KIF21A: variants seen among roughly 807,000 people sequenced by gnomAD.
KIF21A encodes the protein kinesin family member 21A.
In KIF21A, 114 loss-of-function variants were observed where a neutral mutation model predicts 202.9. The observed-to-expected ratio is 0.56, with a 90% CI of 0.48 to 0.66. The LOEUF is 0.66. KIF21A is among the 30% of genes least tolerant of loss of function. The probability of loss-of-function intolerance (pLI) is 0.00; values close to 1 mark genes in which losing one functional copy is unlikely to be tolerated. For synonymous variants in KIF21A, 667 were observed against 670.8 expected (o/e 0.99, Z 0.09); for missense variants, 1,677 against 1,994.9 (o/e 0.84, Z 3.04).
intron 17 of KIF21A, among the ~76,000 whole-genome samples, chr12:39,335,573 T>C (rs1216897816): frequency 6.6e-6 from 1 of 152,134 alleles, no homozygotes. Context: ...CCTGGAGTAA[T>C]GAAAATTTTC....
At chr12:39,356,626 A>G (rs546145517) in intron 10 of KIF21A, 14 of 446,030 alleles carry the variant, frequency 3.1e-5, no homozygotes, top group African/African-American at 2.4e-4. Context: ...TAGGAGAATA[A>G]TATGGGAAGA....
In KIF21A at chr12:39,308,616, G is replaced by A. The variant is rs939313637; in HGVS notation, c.4278-887C>T. The stretch of plus-strand genomic sequence containing the variant: ...GAGTATCTAAGGCCTTAAACATAAC[G>A]TATGCCTATTTCTTCAGATAAATTC... On this transcript the variant is annotated intron_variant, in intron 33 of 37. Coordinates refer to ENST00000361418, the MANE Select transcript of KIF21A (RefSeq NM_001173464.2). Among the ~76,000 whole-genome samples the A allele has an allele frequency of 4.0e-5, 6 of 151,866 alleles. No individual in the cohort carries two copies. The East Asian group carries it at 5.8e-4, about 15-fold the overall frequency.
At chr12:39,375,192 C>A (rs559038218) in intron 1 of KIF21A, among the ~76,000 whole-genome samples, 1 of 152,224 alleles carries the variant, frequency 6.6e-6, no homozygotes, top group Non-Finnish European at 1.5e-5. Context: ...GCCAAGAAGA[C>A]ATGTTTTGAG....
intron 1 of KIF21A, among the ~76,000 whole-genome samples, chr12:39,441,200 C>T (rs1034384349): frequency 4.6e-5 from 7 of 152,076 alleles, no homozygotes; most frequent in African/African-American, 7.2e-5. Flanking sequence ...CTAACATACA[C>T]ACCAAAACAA....
chr12:39,353,527 T>C (rs927480868), intron 10 of KIF21A, among the ~76,000 whole-genome samples: 1 of 152,058 alleles, frequency 6.6e-6, no homozygotes, highest in African/African-American at 2.4e-5. Flanking sequence ...GTACAAATAA[T>C]ATATTATACT....
intron 3 of KIF21A, among the ~76,000 whole-genome samples, chr12:39,368,759 A>T (rs1257833314): frequency 2.6e-5 from 4 of 151,928 alleles, no homozygotes; most frequent in Non-Finnish European, 5.9e-5. Flanking sequence ...ACTGATACTA[A>T]TTTTTCTATG....
At chr12:39,377,958 A>C (rs568808457) in intron 1 of KIF21A, among the ~76,000 whole-genome samples, 11 of 152,286 alleles carry the variant, frequency 7.2e-5, no homozygotes, top group African/African-American at 2.2e-4. Context: ...GGACTCATAA[A>C]CTTTATGAAG....
At chr12:39,351,747 A>T (rs1333954916) in intron 11 of KIF21A, 30 bp downstream of exon 11, 1 of 1,293,520 alleles carries the variant, frequency 7.7e-7, no homozygotes, top group African/African-American at 1.5e-5. Flanking sequence ...GGAAATAGAG[A>T]TTCATTTAGT....
At chr12:39,360,431 C>A (rs1479101822) in intron 7 of KIF21A, among the ~76,000 whole-genome samples, 2 of 151,270 alleles carry the variant, frequency 1.3e-5, no homozygotes, top group Non-Finnish European at 2.9e-5. Context: ...ACTCTGTCAC[C>A]CAGACTGGAG....
At chr12:39,416,704 T>TATATATGTGTGTATATATGTAC (rs1953692596) in intron 1 of KIF21A, among the ~76,000 whole-genome samples, 1 of 93,704 alleles carries the variant, frequency 1.1e-5, no homozygotes, top group Non-Finnish European at 1.9e-5. Flanking sequence ...TATATGTACA[T>TATATATGTGTGTATATATGTAC]ATATATGTGT....
intron 1 of KIF21A, among the ~76,000 whole-genome samples, chr12:39,425,540 T>C (rs541902381): frequency 6.6e-6 from 1 of 152,156 alleles, no homozygotes; most frequent in East Asian, 1.9e-4. Flanking sequence ...TCACAATGAA[T>C]TGGAGGAGGA....
chr12:39,394,527 TAAGACTGGAACTAATTAGTTACAATCTC>T (rs1951592765), intron 1 of KIF21A, among the ~76,000 whole-genome samples: 3 of 152,156 alleles, frequency 2.0e-5, no homozygotes, highest in African/African-American at 7.2e-5. Context: ...GTTCCAATCT[TAAGACTGGAACTAATTAGTTACAATCTC>T]AAGACTTGAA....
intron 17 of KIF21A, among the ~76,000 whole-genome samples, chr12:39,334,184 C>G: frequency 8.5e-6 from 1 of 117,138 alleles, no homozygotes; most frequent in Non-Finnish European, 1.6e-5. Flanking sequence ...CTGGAGGACA[C>G]AGTGAGACTC....
At chr12:39,363,068 T>C (rs757413122) in intron 7 of KIF21A, 30 bp downstream of exon 7, 2 of 1,307,670 alleles carry the variant, frequency 1.5e-6, no homozygotes, top group South Asian at 1.2e-5. Flanking sequence ...TAATCAAAAG[T>C]CTGAGTAGAG....
chr12:39,368,806 G>T (rs967029202), intron 3 of KIF21A, among the ~76,000 whole-genome samples: 4 of 151,212 alleles, frequency 2.6e-5, no homozygotes, highest in Non-Finnish European at 5.9e-5. Context: ...TTTCATCAAT[G>T]ATGAAAATGA....
At chr12:39,397,680 G>A (rs992798694) in intron 1 of KIF21A, among the ~76,000 whole-genome samples, 1 of 152,138 alleles carries the variant, frequency 6.6e-6, no homozygotes, top group Non-Finnish European at 1.5e-5. Context: ...CTCACCGAAG[G>A]AAGCCAAACA....
intron 1 of KIF21A, among the ~76,000 whole-genome samples, chr12:39,385,402 A>G (rs992258555): frequency 1.3e-5 from 2 of 152,208 alleles, no homozygotes; most frequent in Non-Finnish European, 2.9e-5. Flanking sequence ...TAAGTTTTAT[A>G]AGCCCAACTA....
At chr12:39,418,191 C>T (rs1253798645) in intron 1 of KIF21A, among the ~76,000 whole-genome samples, 1 of 138,868 alleles carries the variant, frequency 7.2e-6, no homozygotes, top group Admixed American at 7.2e-5. Context: ...AAGACCCTGA[C>T]TAAAAAAAAA....
At chr12:39,404,247 C>T (rs547412324) in intron 1 of KIF21A, among the ~76,000 whole-genome samples, 2 of 152,186 alleles carry the variant, frequency 1.3e-5, no homozygotes, top group East Asian at 1.9e-4. Flanking sequence ...AAGAGGCATG[C>T]GTTGCCATGC....
Sources: gnomAD v4.1 joint callset for allele counts (sites outside exome capture counted in the v4.1 genomes callset) on GRCh38, gnomAD v4.1.1 for gene constraint, MANE v1.5 for transcripts, NCBI Gene and HGNC (gene_info 2026-07-23, HGNC 2026-07-21) for gene names.